Variants in PTPRT observed in about 807,000 individuals in gnomAD.
The protein encoded by PTPRT is protein tyrosine phosphatase receptor type T.
PTPRT carries 56 observed loss-of-function variants against 176.8 expected under a neutral mutation model. That is an observed-to-expected ratio of 0.32 (90% CI 0.26 to 0.40). PTPRT has a LOEUF of 0.40. PTPRT is among the 10% of genes least tolerant of loss of function. The pLI is 1.00. For missense variants in PTPRT, 1,540 were observed against 1,908.2 expected (o/e 0.81, Z 3.60); for synonymous variants, 783 against 739.0 (o/e 1.06, Z -0.96).
chr20:42,781,647 T>C (rs2077217428), intron 3 of PTPRT, among the ~76,000 whole-genome samples: 1 of 152,184 alleles, frequency 6.6e-6, no homozygotes, highest in Non-Finnish European at 1.5e-5. Flanking sequence ...CATCCAGTTG[T>C]GTTTCAGTAA....
At chr20:42,160,870 G>A (rs760459226) in intron 17 of PTPRT, among the ~76,000 whole-genome samples, 1 of 152,060 alleles carries the variant, frequency 6.6e-6, no homozygotes, top group African/African-American at 2.4e-5. Context: ...GGATGGGAGC[G>A]GGGACCAGAA....
In PTPRT at chr20:42,579,768, T is replaced by A. The variant is rs537362752; in HGVS notation, c.1153+98098A>T. Among the ~76,000 whole-genome samples, 5 of 152,318 alleles carry A rather than the reference T, an allele frequency of 3.3e-5. No individual in the cohort carries two copies. In the South Asian group the frequency reaches 1.0e-3, roughly 32 times the overall value. On this transcript the variant is annotated intron_variant, in intron 7 of 30. Transcript: ENST00000373187. ...GTTGATGGGGTTGTTTGTTTTTTCT[T>A]GTAAATTTGAGTTCATTGTAAATTC...
chr20:42,835,110 T>C (rs1315292974), intron 2 of PTPRT, among the ~76,000 whole-genome samples: 1 of 152,168 alleles, frequency 6.6e-6, no homozygotes, highest in Non-Finnish European at 1.5e-5. Context: ...AAACAAGTGA[T>C]GTGTCTGGGA....
At chr20:42,167,210 T>G (rs1213875977) in intron 16 of PTPRT, among the ~76,000 whole-genome samples, 2 of 152,192 alleles carry the variant, frequency 1.3e-5, no homozygotes, top group African/African-American at 4.8e-5. Flanking sequence ...TAATGTCATA[T>G]TGGACATATG....
intron 14 of PTPRT, among the ~76,000 whole-genome samples, chr20:42,237,509 G>GC (rs1301867011): frequency 6.6e-6 from 1 of 152,142 alleles, no homozygotes; most frequent in Admixed American, 6.5e-5. Flanking sequence ...TGAGGCTGCT[G>GC]CCCCCCACCA....
intron 1 of PTPRT, among the ~76,000 whole-genome samples, chr20:42,921,365 T>C (rs484898): frequency 0.076 from 11,593 of 152,174 alleles, 1,266 homozygotes; most frequent in African/African-American, 0.24. Context: ...AAATGTAGAC[T>C]TCCACACAGT....
At position 42,617,264 on chromosome 20, in the gene PTPRT, C is replaced by G. The variant is rs1432463500; in HGVS notation, c.1153+60602G>C. On this transcript the variant is annotated intron_variant, in intron 7 of 30. Transcript: ENST00000373187. ...ATTTATTGATTTGCGTATATTGAACCAGCCTTGCATCCCAGGGATGAAGCC... is the reference window on the plus strand; with the variant it reads ...ATTTATTGATTTGCGTATATTGAACGAGCCTTGCATCCCAGGGATGAAGCC... 2.2e-5 allele frequency among the ~76,000 whole-genome samples: 3 copies of G among 136,340 alleles called. 1 individual carries two copies. The highest frequency in any genetic ancestry group is 9.8e-5 in the African/African-American group (3 of 30,584). 89.4% of individuals were successfully genotyped at this position (136,340 alleles called of 152,430 possible).
At chr20:42,310,535 C>A (rs1279703200) in intron 12 of PTPRT, among the ~76,000 whole-genome samples, 1 of 152,112 alleles carries the variant, frequency 6.6e-6, no homozygotes, top group Non-Finnish European at 1.5e-5. Context: ...TTTACCTGCT[C>A]CACAAAGGAA....
At chr20:42,210,877 A>G (rs1233354684) in intron 15 of PTPRT, among the ~76,000 whole-genome samples, 4 of 152,188 alleles carry the variant, frequency 2.6e-5, no homozygotes, top group East Asian at 3.9e-4. Context: ...GAGGCATCAC[A>G]CTACCTGACT....
chr20:42,746,052 A>C (rs950497661), intron 6 of PTPRT, among the ~76,000 whole-genome samples: 7 of 152,228 alleles, frequency 4.6e-5, no homozygotes, highest in African/African-American at 1.7e-4. Context: ...TGAGAATTTA[A>C]TGCAGTTGCC....
At chr20:42,308,244 A>C (rs965300060) in intron 12 of PTPRT, among the ~76,000 whole-genome samples, 2 of 152,008 alleles carry the variant, frequency 1.3e-5, no homozygotes, top group Non-Finnish European at 1.5e-5. Context: ...TTTCCTAATA[A>C]ACTTGCGTGG....
chr20:42,468,436 G>C (rs2145911500), intron 8 of PTPRT, among the ~76,000 whole-genome samples: 2 of 152,348 alleles, frequency 1.3e-5, no homozygotes, highest in East Asian at 3.9e-4. Context: ...CTCTCCTTCA[G>C]TCCAGTGGGT....
chr20:42,241,156 A>G (rs144170334), intron 14 of PTPRT, among the ~76,000 whole-genome samples: 2 of 152,258 alleles, frequency 1.3e-5, no homozygotes, highest in African/African-American at 2.4e-5. Flanking sequence ...ATTACATTGT[A>G]TTATCTTCTG....
At chr20:42,985,306 C>A (rs1365002173) in intron 1 of PTPRT, among the ~76,000 whole-genome samples, 1 of 151,996 alleles carries the variant, frequency 6.6e-6, no homozygotes, top group Non-Finnish European at 1.5e-5. Flanking sequence ...ACCAGCCTGA[C>A]CAACATGGTG....
chr20:42,414,475 T>C (rs145172287), intron 9 of PTPRT, among the ~76,000 whole-genome samples: 190 of 152,318 alleles, frequency 1.2e-3, no homozygotes, highest in African/African-American at 4.4e-3. Flanking sequence ...AAAACAGTTA[T>C]TATTTGCAGG....
intron 9 of PTPRT, among the ~76,000 whole-genome samples, chr20:42,447,918 G>A (rs1441885158): frequency 6.6e-6 from 1 of 152,088 alleles, no homozygotes; most frequent in Non-Finnish European, 1.5e-5. Flanking sequence ...GCCAGGCCTG[G>A]GCCTTCTCTT....
chr20:42,769,783 T>A (rs1189627884), intron 5 of PTPRT, among the ~76,000 whole-genome samples: 1 of 152,218 alleles, frequency 6.6e-6, no homozygotes, highest in African/African-American at 2.4e-5. Flanking sequence ...TTCTATGAAA[T>A]ATTTCTTAGC....
At chr20:42,326,693 T>C (rs2057887551) in intron 11 of PTPRT, among the ~76,000 whole-genome samples, 1 of 152,064 alleles carries the variant, frequency 6.6e-6, no homozygotes, top group Non-Finnish European at 1.5e-5. Context: ...CACGGCTTGG[T>C]AGAGTGGGTG....
intron 2 of PTPRT, among the ~76,000 whole-genome samples, chr20:42,853,709 C>T (rs1312110733): frequency 6.6e-6 from 1 of 152,228 alleles, no homozygotes; most frequent in Admixed American, 6.5e-5. Context: ...CTCACAGGCA[C>T]ACCCAAAATT....
Sources: allele counts gnomAD v4.1 joint callset (sites outside exome capture counted in the v4.1 genomes callset), GRCh38; gene constraint gnomAD v4.1.1; transcripts MANE v1.5; gene names NCBI Gene and HGNC (gene_info 2026-07-23, HGNC 2026-07-21).